Variants in RGS9 observed in about 807,000 individuals in gnomAD.
RGS9 encodes the protein regulator of G protein signaling 9.
In RGS9, 78 loss-of-function variants were observed where a neutral mutation model predicts 102.0. That is an observed-to-expected ratio of 0.76 (90% CI 0.64 to 0.92). The LOEUF (loss-of-function observed/expected upper bound fraction) is 0.92, where lower values mean the gene tolerates loss of function less well. RGS9 is among the 40% of genes least tolerant of loss of function. The pLI is 0.00. For missense variants in RGS9, 833 were observed against 866.1 expected, an observed-to-expected ratio of 0.96 and a Z score of 0.48; for synonymous variants, 353 against 318.6, an observed-to-expected ratio of 1.11 and a Z score of -1.15.
At chr17:65,159,801 T>A (rs1365656993) in intron 3 of RGS9, among the ~76,000 whole-genome samples, 3 of 152,100 alleles carry the variant, frequency 2.0e-5, no homozygotes, top group Admixed American at 1.3e-4. Flanking sequence ...AAGTTGGCAA[T>A]AAACATGATG....
chr17:65,214,226 G>A (rs982584631), intron 17 of RGS9, among the ~76,000 whole-genome samples: 1 of 152,192 alleles, frequency 6.6e-6, no homozygotes, highest in Non-Finnish European at 1.5e-5. Flanking sequence ...GCCTCCCAAA[G>A]TGCTGGGATT....
intron 17 of RGS9, among the ~76,000 whole-genome samples, chr17:65,212,868 C>T (rs763461906): frequency 8.5e-5 from 13 of 152,084 alleles, no homozygotes; most frequent in Non-Finnish European, 1.8e-4. Context: ...CTGGGTGACA[C>T]GAGAGGAGGG....
rs147505189 is a variant in RGS9, at chr17:65,227,595, TCTC to T, written c.*192_*194del. ...GGCTGGTTACCAGGGGCCAACTCCT[TCTC>T]CTCTTCCTGACCCTCCCTCCCCTGG... On this transcript the variant is annotated 3_prime_UTR_variant, in exon 19 of 19. Transcript: ENST00000262406. 313 of 749,620 alleles carry T rather than the reference TCTC, an allele frequency of 4.2e-4. 2 individuals carry two copies. The East Asian group carries it at 7.6e-3, about 18-fold the overall frequency. 46.4% of individuals were successfully genotyped at this position (749,620 alleles called of 1,614,324 possible).
chr17:65,198,131 A>G (rs886309980), intron 13 of RGS9, among the ~76,000 whole-genome samples: 1 of 152,044 alleles, frequency 6.6e-6, no homozygotes, highest in African/African-American at 2.4e-5. Context: ...ATGTGTGGTG[A>G]TTGACAGCCA....
intron 11 of RGS9, among the ~76,000 whole-genome samples, chr17:65,190,540 C>T (rs1912328674): frequency 6.6e-6 from 1 of 152,048 alleles, no homozygotes; most frequent in African/African-American, 2.4e-5. Context: ...GACTGTAGAC[C>T]CTGTGAGGAT....
intron 2 of RGS9, among the ~76,000 whole-genome samples, chr17:65,154,511 C>A (rs538954594): frequency 6.6e-6 from 1 of 152,024 alleles, no homozygotes; most frequent in East Asian, 1.9e-4. Context: ...TTTAATGAAA[C>A]CAAGTAGCAG....
intron 3 of RGS9, 80 bp downstream of exon 3, chr17:65,158,425 C>T (rs1466407936): frequency 7.7e-7 from 1 of 1,291,534 alleles, no homozygotes; most frequent in Non-Finnish European, 1.1e-6. Flanking sequence ...GAGACTTAGC[C>T]TGTGTTTCTG....
intron 8 of RGS9, among the ~76,000 whole-genome samples, chr17:65,177,409 A>G (rs1176670383): frequency 6.6e-6 from 1 of 151,522 alleles, no homozygotes; most frequent in Non-Finnish European, 1.5e-5. Context: ...CCACTTATCC[A>G]TGCATCCCAC....
At chr17:65,202,598 A>G (rs1449863767) in intron 14 of RGS9, among the ~76,000 whole-genome samples, 17 of 152,206 alleles carry the variant, frequency 1.1e-4, no homozygotes, top group Non-Finnish European at 1.9e-4. Context: ...GGGTACAAAC[A>G]TGGGTGGGCA....
chr17:65,158,452 A>T, intron 3 of RGS9, 107 bp downstream of exon 3: 2 of 1,065,556 alleles, frequency 1.9e-6, no homozygotes, highest in South Asian at 2.5e-5. Context: ...TTACATTTTA[A>T]TTGGACAGAC....
Position 65,197,232 on chromosome 17 carries a change from G to C in RGS9, c.967G>C (p.Glu323Gln). 1 of 1,601,846 alleles carries C rather than the reference G, an allele frequency of 6.2e-7. No individual in the cohort carries two copies. The highest frequency in any genetic ancestry group is 8.6e-7 in the Non-Finnish European group (1 of 1,169,196). The change falls in exon 13 of 19, where the codon GAA (glutamate) becomes CAA (glutamine). Residue 323 changes from glutamate (E) to glutamine (Q), a missense_variant. Glu to Gln is a conservative substitution (Grantham distance 29). This residue lies in a region of RGS9 where 185 missense variants were observed against 248.7 expected (regional missense o/e 0.74). Coordinates refer to ENST00000262406, the MANE Select transcript of RGS9 (RefSeq NM_003835.4). ...RQSFQYFLKK[E>Q]FSGENLGFWE... ...GAGCTTCCAGTACTTCCTCAAGAAA[G>C]AATTCAGTGGTGGGTCTTTGTTTAC...
rs544672871 is a variant in RGS9, at chr17:65,146,402, A to G, written c.58-7020A>G. Among the ~76,000 whole-genome samples, 13 of 151,294 alleles carry G rather than the reference A, an allele frequency of 8.6e-5. No homozygotes were observed. In the South Asian group the frequency reaches 2.1e-3, roughly 24 times the overall value. On this transcript the variant is annotated intron_variant, in intron 1 of 18. Coordinates refer to ENST00000262406, the MANE Select transcript of RGS9 (RefSeq NM_003835.4). ...CAAGAGATCAAGACCATCCTGGCAAACCTGGTGAAACCCCGTCTCTACTAA... is the reference window on the plus strand; with the variant it reads ...CAAGAGATCAAGACCATCCTGGCAAGCCTGGTGAAACCCCGTCTCTACTAA...
At chr17:65,227,183 T>C (rs1598014564) in intron 18 of RGS9, 92 bp from the exon 19 acceptor site, 1 of 1,570,616 alleles carries the variant, frequency 6.4e-7, no homozygotes, top group East Asian at 2.2e-5. Flanking sequence ...GCACCTGGTA[T>C]GTTCATCTTC....
rs529156179 is a variant in RGS9 at position 65,227,424 on chromosome 17, A to T, written c.*17A>T. The T allele has an allele frequency of 2.4e-5, 39 of 1,608,924 alleles. No homozygotes were observed. In the East Asian group the frequency reaches 6.3e-4, roughly 26 times the overall value. ...AGCCTGTAAGGAAAGAGGCAGGCTG[A>T]GCTGGGGGCTCTGGACCAGGAAGAT... is the stretch of plus-strand genomic sequence containing the variant. On this transcript the variant is annotated 3_prime_UTR_variant, in exon 19 of 19. Transcript: ENST00000262406.
intron 8 of RGS9, among the ~76,000 whole-genome samples, chr17:65,174,991 C>T (rs561090219): frequency 6.6e-6 from 1 of 152,278 alleles, no homozygotes; most frequent in South Asian, 2.1e-4. Flanking sequence ...ATCCAGTCAC[C>T]TCCCACCAGG....
At position 65,225,157 on chromosome 17, in the gene RGS9, C is replaced by G; in HGVS notation, c.1563C>G (p.Ile521Met). ...SRFIRRPSTT[I>M]CPSPIRVALE... ...TCATCCGGCGACCCAGCACCACCAT[C>G]TGCCCCTCACCCATCAGAGTGGCCT... Residue 521 changes from isoleucine (I) to methionine (M), a missense_variant, in exon 18 of 19, where the codon ATC (isoleucine) becomes ATG (methionine). Coordinates refer to ENST00000262406, the MANE Select transcript of RGS9 (RefSeq NM_003835.4). 1 of 1,613,744 alleles carries G rather than the reference C, an allele frequency of 6.2e-7. No individual in the cohort carries two copies. The highest frequency in any genetic ancestry group is 2.2e-5 in the East Asian group (1 of 44,890).
chr17:65,154,036 G>A (rs1300010312), intron 2 of RGS9, among the ~76,000 whole-genome samples: 1 of 152,220 alleles, frequency 6.6e-6, no homozygotes, highest in Non-Finnish European at 1.5e-5. Context: ...GCCAGGCACA[G>A]TGGCTTACAC....
At chr17:65,202,565 T>A (rs968836612) in intron 14 of RGS9, among the ~76,000 whole-genome samples, 3 of 151,972 alleles carry the variant, frequency 2.0e-5, no homozygotes, top group African/African-American at 7.3e-5. Context: ...CTCCCACATG[T>A]CTGGGACAGT....
intron 3 of RGS9, 126 bp downstream of exon 3, chr17:65,158,471 C>A: frequency 1.1e-6 from 1 of 909,250 alleles, no homozygotes; most frequent in Non-Finnish European, 1.8e-6. Context: ...ACATGACCTT[C>A]GTGTGTAAAA....
Sources: gnomAD v4.1 joint callset for allele counts (sites outside exome capture counted in the v4.1 genomes callset) on GRCh38, gnomAD v4.1.1 for gene constraint, gnomAD v4.1.1 regional missense constraint, MANE v1.5 for transcripts, NCBI Gene and HGNC (gene_info 2026-07-23, HGNC 2026-07-21) for gene names.